The following GALNT17 variants were observed in gnomAD, a reference collection of about 807,000 sequenced individuals.
GALNT17 encodes polypeptide N-acetylgalactosaminyltransferase 17.
Under a neutral mutation model 63.7 loss-of-function variants are expected in GALNT17, and 29 were observed. That is an observed-to-expected ratio of 0.46 (90% CI 0.34 to 0.62). The LOEUF is 0.62. Among genes scored for constraint, GALNT17 ranks in the 20% least tolerant of loss-of-function variants. The pLI, the probability that GALNT17 is intolerant of heterozygous loss-of-function variation, is 0.01. For synonymous variants in GALNT17, 305 were observed against 318.3 expected (o/e 0.96, Z 0.45); for missense variants, 603 against 799.6 (o/e 0.75, Z 2.97).
chr7:71,518,995 A>G lies in GALNT17; in HGVS notation c.963-52290A>G, dbSNP rs1315290845. Among the ~76,000 whole-genome samples the G allele has an allele frequency of 4.6e-5, 7 of 152,292 alleles. No individual in the cohort carries two copies. In the East Asian group the frequency reaches 1.4e-3, roughly 29 times the overall value. ...TTCCTTCCAGAAAGCCACAGGATAC[A>G]TCAGTGTCATGGTTGAGGATTATTT... On this transcript the variant is annotated intron_variant, in intron 5 of 10. Transcript: ENST00000333538.
chr7:71,456,572 C>T (rs747739123), intron 5 of GALNT17, among the ~76,000 whole-genome samples: 9 of 151,338 alleles, frequency 5.9e-5, no homozygotes, highest in African/African-American at 2.2e-4. Flanking sequence ...AAAACTTAGC[C>T]GGGCATGGTG....
intron 6 of GALNT17, among the ~76,000 whole-genome samples, chr7:71,646,780 T>C (rs1027647457): frequency 1.4e-5 from 2 of 140,668 alleles, no homozygotes; most frequent in African/African-American, 5.3e-5. Flanking sequence ...AGAGTCTCGC[T>C]CTGTCACCCA....
At chr7:71,291,901 C>CT (rs1156832935) in intron 1 of GALNT17, among the ~76,000 whole-genome samples, 2 of 152,082 alleles carry the variant, frequency 1.3e-5, no homozygotes, top group African/African-American at 2.4e-5. Flanking sequence ...TTAATTTCTG[C>CT]TTTACTCTTA....
rs547770759 is a variant in GALNT17, at chr7:71,330,086, C to T, written c.239-5464C>T. ...GGAGTGCAGTGGTGTGGTCTGAGCTCACTGCAGCCTCCATCTCCCAGGTTC... is the reference window on the plus strand; with the variant it reads ...GGAGTGCAGTGGTGTGGTCTGAGCTTACTGCAGCCTCCATCTCCCAGGTTC... On this transcript the variant is annotated intron_variant, in intron 1 of 10. Coordinates refer to ENST00000333538, the MANE Select transcript of GALNT17 (RefSeq NM_022479.3). Among the ~76,000 whole-genome samples, 5 of 152,048 alleles carry T rather than the reference C, an allele frequency of 3.3e-5. No homozygotes were observed. The South Asian group carries it at 1.0e-3, about 32-fold the overall frequency.
intron 1 of GALNT17, among the ~76,000 whole-genome samples, chr7:71,261,541 C>T (rs574612028): frequency 2.0e-4 from 30 of 152,308 alleles, no homozygotes; most frequent in African/African-American, 6.5e-4. Context: ...ATAGCATCTC[C>T]AAACTGGAAG....
At chr7:71,208,993 T>C (rs966604239) in intron 1 of GALNT17, among the ~76,000 whole-genome samples, 17 of 152,278 alleles carry the variant, frequency 1.1e-4, no homozygotes, top group African/African-American at 3.8e-4. Flanking sequence ...TATTTTCAGC[T>C]CTGTGGGCCA....
At chr7:71,474,974 C>T (rs1787699563) in intron 5 of GALNT17, among the ~76,000 whole-genome samples, 1 of 151,998 alleles carries the variant, frequency 6.6e-6, no homozygotes, top group Non-Finnish European at 1.5e-5. Flanking sequence ...AGGGATGCAG[C>T]CGCAAGCCAA....
At chr7:71,181,545 G>A (rs4719088) in intron 1 of GALNT17, among the ~76,000 whole-genome samples, 43,296 of 151,960 alleles carry the variant, frequency 0.28, 10,660 homozygotes, top group African/African-American at 0.67. Context: ...GGACCATTAA[G>A]TTGACACTAC....
chr7:71,525,440 T>TCATG (rs1788607697), intron 5 of GALNT17, among the ~76,000 whole-genome samples: 1 of 152,132 alleles, frequency 6.6e-6, no homozygotes, highest in Non-Finnish European at 1.5e-5. Flanking sequence ...TCTCCCAACC[T>TCATG]CATGATCTGC....
intron 5 of GALNT17, among the ~76,000 whole-genome samples, chr7:71,458,692 A>C (rs1342499463): frequency 6.6e-6 from 1 of 152,108 alleles, no homozygotes; most frequent in Non-Finnish European, 1.5e-5. Context: ...GAACGTGGAA[A>C]GGTGATGGAG....
intron 1 of GALNT17, among the ~76,000 whole-genome samples, chr7:71,302,044 G>A (rs1459825930): frequency 6.6e-6 from 1 of 152,184 alleles, no homozygotes; most frequent in African/African-American, 2.4e-5. Context: ...CATGTCCTTT[G>A]CAGGGACATG....
intron 2 of GALNT17, among the ~76,000 whole-genome samples, chr7:71,370,896 G>A (rs532902301): frequency 6.6e-6 from 1 of 151,354 alleles, no homozygotes; most frequent in South Asian, 2.1e-4. Context: ...ATGAACCACT[G>A]TGCCTCGTCT....
chr7:71,574,597 C>T (rs769828560), intron 6 of GALNT17, among the ~76,000 whole-genome samples: 38 of 151,902 alleles, frequency 2.5e-4, no homozygotes, highest in Non-Finnish European at 1.8e-4. Flanking sequence ...CTGCTGGTTG[C>T]AGAAAGGCAA....
intron 5 of GALNT17, among the ~76,000 whole-genome samples, chr7:71,570,639 C>T (rs903834537): frequency 1.3e-4 from 20 of 152,148 alleles, no homozygotes; most frequent in African/African-American, 4.6e-4. Context: ...GCCCTTACCC[C>T]ATCTATGAGG....
chr7:71,476,910 T>C (rs181890913), intron 5 of GALNT17, among the ~76,000 whole-genome samples: 1 of 152,112 alleles, frequency 6.6e-6, no homozygotes, highest in Admixed American at 6.5e-5. Context: ...ATCTTTCAGA[T>C]CCCACAGGGT....
rs564679181 is a variant in GALNT17, at chr7:71,295,089, T to C, written c.239-40461T>C. The stretch of plus-strand genomic sequence containing the variant: ...TTCTTAACCTCCCATCCCCTCTGAG[T>C]CCCTTACAATGGGCCGAGGATACAC... On this transcript the variant is annotated intron_variant, in intron 1 of 10. Transcript: ENST00000333538. Among the ~76,000 whole-genome samples, 91 of 152,290 alleles carry C rather than the reference T, an allele frequency of 6.0e-4. 1 individual carries two copies. The highest frequency in any genetic ancestry group is 2.0e-3 in the African/African-American group (85 of 41,572).
Position 71,272,765 on chromosome 7 carries a change from A to C in GALNT17, c.239-62785A>C, listed in dbSNP as rs79932835. Reference sequence around the variant, plus strand: ...AGGCAGGCACAGTAACAGGGCAGACAGTGACCAATATGACATGAGGAGGCC... The same window carrying C: ...AGGCAGGCACAGTAACAGGGCAGACCGTGACCAATATGACATGAGGAGGCC... On this transcript the variant is annotated intron_variant, in intron 1 of 10. Coordinates refer to ENST00000333538, the MANE Select transcript of GALNT17 (RefSeq NM_022479.3). 1.2e-3 allele frequency among the ~76,000 whole-genome samples: 190 copies of C among 152,344 alleles called. 1 individual carries two copies. The highest frequency in any genetic ancestry group is 2.2e-3 in the Non-Finnish European group (152 of 68,032).
chr7:71,232,017 T>G (rs1031542797), intron 1 of GALNT17, among the ~76,000 whole-genome samples: 1 of 152,146 alleles, frequency 6.6e-6, no homozygotes, highest in Non-Finnish European at 1.5e-5. Flanking sequence ...ATGAGGGTCT[T>G]TAGTAGCTTC....
intron 6 of GALNT17, among the ~76,000 whole-genome samples, chr7:71,575,877 C>T (rs1034519781): frequency 2.0e-5 from 3 of 152,048 alleles, no homozygotes; most frequent in African/African-American, 7.2e-5. Flanking sequence ...AGGCAACTTG[C>T]CTGTGACTAA....
Sources: gnomAD v4.1 joint callset for allele counts (sites outside exome capture counted in the v4.1 genomes callset) on GRCh38, gnomAD v4.1.1 for gene constraint, MANE v1.5 for transcripts, NCBI Gene and HGNC (gene_info 2026-07-23, HGNC 2026-07-21) for gene names.